ANGPT2: variants seen among roughly 807,000 people sequenced by gnomAD.
The protein encoded by ANGPT2 is angiopoietin 2.
Under a neutral mutation model 62.9 loss-of-function variants are expected in ANGPT2, and 28 were observed. That is an observed-to-expected ratio of 0.44 (90% CI 0.33 to 0.61). ANGPT2 has a LOEUF of 0.61. Among genes scored for constraint, ANGPT2 ranks in the 20% least tolerant of loss-of-function variants. ANGPT2 has a pLI of 0.03. For synonymous variants in ANGPT2, 284 were observed against 207.8 expected (o/e 1.37, Z -3.15); for missense variants, 727 against 594.9 (o/e 1.22, Z -2.31).
chr8:6,553,373 C>T (rs764122806), intron 1 of ANGPT2, among the ~76,000 whole-genome samples: 2 of 152,162 alleles, frequency 1.3e-5, no homozygotes, highest in Admixed American at 6.5e-5. Flanking sequence ...TAAACCTAGC[C>T]AGCCCTCACT....
rs1294556794 is a variant in ANGPT2 at position 6,521,315 on chromosome 8, G to C, written c.662C>G (p.Ser221Cys). ...EEKDQLQVLV[S>C]KQNSIIEELE... is the part of the protein sequence containing the mutation. ...TTCTTCAATGATGGAATTTTGCTTG[G>C]ATACTAACACCTGTAGCTGATCTTT... The change falls in exon 4 of 9, where the codon TCC (serine) becomes TGC (cysteine). Residue 221 changes from serine to cysteine, a missense_variant. Coordinates refer to ENST00000629816, the MANE Select transcript of ANGPT2 (RefSeq NM_001118887.2). The C allele has an allele frequency of 1.2e-6, 2 of 1,613,624 alleles. No individual in the cohort carries two copies. The highest frequency in any genetic ancestry group is 1.6e-4 in the Middle Eastern group (1 of 6,078).
intron 1 of ANGPT2, among the ~76,000 whole-genome samples, chr8:6,557,537 T>C (rs1374403144): frequency 6.6e-6 from 1 of 152,116 alleles, no homozygotes; most frequent in Non-Finnish European, 1.5e-5. Flanking sequence ...CAAAGGAGGA[T>C]GTAGTGAAAA....
Position 6,503,010 on chromosome 8 carries a change from A to G in ANGPT2, c.*91T>C. ...CCGAGCACACGCCCTCTGTGGTGGA[A>G]GAGGACACAGTGCGCAGCCGTGACT... is the stretch of plus-strand genomic sequence containing the variant. On this transcript the variant is annotated 3_prime_UTR_variant, in exon 9 of 9. Transcript: ENST00000629816. The G allele has an allele frequency of 6.8e-7, 1 of 1,472,396 alleles. No individual in the cohort carries two copies. Among genetic ancestry groups the G allele is most frequent in the Non-Finnish European group, 9.3e-7 (1 of 1,070,540 alleles). The allele number at this position is 1,472,396 out of a possible 1,614,324, so 91.2% of individuals were successfully genotyped here.
intron 1 of ANGPT2, among the ~76,000 whole-genome samples, chr8:6,547,585 G>A (rs192121403): frequency 2.6e-5 from 4 of 152,272 alleles, no homozygotes; most frequent in African/African-American, 7.2e-5. Flanking sequence ...TTGGACCACC[G>A]TAGAATGGCT....
rs774188140 is a variant in ANGPT2 at position 6,499,896 on chromosome 8, G to A, written c.*3205C>T. 25 of 1,613,504 alleles carry A rather than the reference G, an allele frequency of 1.5e-5. No individual in the cohort carries two copies. The highest frequency in any genetic ancestry group is 1.8e-4 in the Middle Eastern group (1 of 5,702). On this transcript the variant is annotated 3_prime_UTR_variant, in exon 9 of 9. Coordinates refer to ENST00000629816, the MANE Select transcript of ANGPT2 (RefSeq NM_001118887.2). ...TGGGTCACTGGATTTCTGAGGAGCC[G>A]TTCGAACTGTCTCACCACTTCCCTG... is the stretch of plus-strand genomic sequence containing the variant.
At chr8:6,545,043 G>A (rs969757758) in intron 1 of ANGPT2, among the ~76,000 whole-genome samples, 3 of 152,114 alleles carry the variant, frequency 2.0e-5, no homozygotes, top group Admixed American at 6.5e-5. Context: ...TCAAATGAAT[G>A]CCATCACAGA....
Position 6,537,867 on chromosome 8 carries a change from T to C in ANGPT2, c.289-5380A>G, listed in dbSNP as rs1273067396. Among the ~76,000 whole-genome samples the C allele has an allele frequency of 2.0e-5, 3 of 152,188 alleles. No homozygotes were observed. In the East Asian group the frequency reaches 5.8e-4, roughly 29 times the overall value. On this transcript the variant is annotated intron_variant, in intron 1 of 8. Coordinates refer to ENST00000629816, the MANE Select transcript of ANGPT2 (RefSeq NM_001118887.2). ...ATGTTGATTTCTCACCAACTGTAGA[T>C]GCTGGTTGAGAGATCCTTTCTATTT...
At chr8:6,530,535 A>G (rs796279537) in intron 2 of ANGPT2, among the ~76,000 whole-genome samples, 36 of 142,692 alleles carry the variant, frequency 2.5e-4, no homozygotes, top group African/African-American at 8.0e-4. Context: ...AAAAAAAGTA[A>G]TGGCAAAATC....
intron 3 of ANGPT2, among the ~76,000 whole-genome samples, chr8:6,527,138 C>G (rs1455727101): frequency 1.3e-5 from 2 of 152,164 alleles, no homozygotes; most frequent in East Asian, 1.9e-4. Context: ...GTGGTTCTTT[C>G]ACTCCACAGC....
intron 8 of ANGPT2, among the ~76,000 whole-genome samples, chr8:6,507,302 T>A (rs768059914): frequency 6.6e-6 from 1 of 152,244 alleles, no homozygotes; most frequent in African/African-American, 2.4e-5. Context: ...CTGTTACCTT[T>A]GGTTTTCCTG....
intron 8 of ANGPT2, among the ~76,000 whole-genome samples, chr8:6,505,391 GTATATAGAATATATATATTCT>G (rs1813295381): frequency 8.2e-5 from 4 of 48,916 alleles, no homozygotes; most frequent in Non-Finnish European, 9.1e-5. Flanking sequence ...CTTTCTATAT[GTATATAGAATATATATATTCT>G]TTATATACAT....
chr8:6,544,158 A>G (rs1423938044), intron 1 of ANGPT2, among the ~76,000 whole-genome samples: 1 of 152,250 alleles, frequency 6.6e-6, no homozygotes, highest in Non-Finnish European at 1.5e-5. Flanking sequence ...GAAATTTGGT[A>G]GGAAGTGTAA....
intron 5 of ANGPT2, among the ~76,000 whole-genome samples, chr8:6,516,242 A>G (rs868115027): frequency 5.3e-5 from 8 of 152,240 alleles, no homozygotes; most frequent in African/African-American, 1.7e-4. Flanking sequence ...TTTTATTATC[A>G]TTGCTACACA....
chr8:6,513,933 A>T, intron 6 of ANGPT2, 89 bp from the exon 7 acceptor site: 1 of 1,246,496 alleles, frequency 8.0e-7, no homozygotes, highest in Non-Finnish European at 1.1e-6. Flanking sequence ...AACATAGAAT[A>T]ACTATCAAAT....
chr8:6,513,981 C>G, intron 6 of ANGPT2, 137 bp from the exon 7 acceptor site: 1 of 834,588 alleles, frequency 1.2e-6, no homozygotes, highest in South Asian at 2.0e-5. Flanking sequence ...AATTTAGGGT[C>G]CTTCCCAAAG....
At chr8:6,514,984 C>G (rs867128698) in intron 5 of ANGPT2, among the ~76,000 whole-genome samples, 9 of 152,242 alleles carry the variant, frequency 5.9e-5, no homozygotes, top group African/African-American at 2.2e-4. Context: ...GATGGTGAAA[C>G]ATAAACAGTA....
chr8:6,523,149 C>A (rs1563340872), intron 3 of ANGPT2, among the ~76,000 whole-genome samples: 1 of 152,072 alleles, frequency 6.6e-6, no homozygotes, highest in Non-Finnish European at 1.5e-5. Context: ...AGGCGCATGT[C>A]ACCATGTCAG....
At chr8:6,559,862 G>A (rs914669575) in intron 1 of ANGPT2, among the ~76,000 whole-genome samples, 1 of 152,222 alleles carries the variant, frequency 6.6e-6, no homozygotes, top group Admixed American at 6.5e-5. Context: ...GCGATCATGA[G>A]TTTATCTGAT....
In ANGPT2 at chr8:6,555,436, A is replaced by G. The variant is rs187926067; in HGVS notation, c.288+7211T>C. ...ATGTATACTTCCTCTTGGTTATAAC[A>G]TAATTTGTTTTACGGGGGGTGGTTT... is the stretch of plus-strand genomic sequence containing the variant. On this transcript the variant is annotated intron_variant, in intron 1 of 8. Transcript: ENST00000629816. Among the ~76,000 whole-genome samples the G allele has an allele frequency of 6.6e-4, 100 of 150,828 alleles. 1 individual carries two copies. Among genetic ancestry groups the G allele is most frequent in the Non-Finnish European group, 2.1e-4 (14 of 67,898 alleles).
Sources: gnomAD v4.1 joint callset for allele counts (sites outside exome capture counted in the v4.1 genomes callset) on GRCh38, gnomAD v4.1.1 for gene constraint, MANE v1.5 for transcripts, NCBI Gene and HGNC (gene_info 2026-07-23, HGNC 2026-07-21) for gene names.